The following NPAS2 variants were observed in gnomAD, a reference collection of about 807,000 sequenced individuals.
The protein encoded by NPAS2 is neuronal PAS domain-containing protein 2.
A neutral mutation model predicts 107.5 loss-of-function variants in NPAS2; 23 were observed. That is an observed-to-expected ratio of 0.21 (90% confidence interval 0.15 to 0.30). The LOEUF is 0.30. Among genes scored for constraint, NPAS2 ranks in the 10% least tolerant of loss-of-function variants. The pLI is 1.00. For synonymous variants in NPAS2, 403 were observed against 417.5 expected (o/e 0.97, Z 0.42); for missense variants, 756 against 1,043.3 (o/e 0.72, Z 3.79).
chr2:100,892,485 G>T (rs1681133847), intron 1 of NPAS2, among the ~76,000 whole-genome samples: 2 of 152,118 alleles, frequency 1.3e-5, no homozygotes, highest in Non-Finnish European at 1.5e-5. Context: ...TCTTGTCTTG[G>T]TTTCTTCTAG....
chr2:100,888,414 G>C (rs972889251), intron 1 of NPAS2, among the ~76,000 whole-genome samples: 1 of 152,142 alleles, frequency 6.6e-6, no homozygotes, highest in Admixed American at 6.5e-5. Context: ...AGGGTAGAAA[G>C]TGTTGGAGAG....
chr2:100,823,802 T>G (rs1207339360), intron 1 of NPAS2: 1 of 152,280 alleles, frequency 6.6e-6, no homozygotes, highest in Non-Finnish European at 1.5e-5. Flanking sequence ...TGGGATGCCA[T>G]TCTCTGGGGT....
chr2:100,970,731 A>G (rs1676488957), intron 11 of NPAS2: 1 of 381,070 alleles, frequency 2.6e-6, no homozygotes, highest in East Asian at 4.4e-5. Flanking sequence ...TAAAAAGAAT[A>G]GTAAATGAGA....
At chr2:100,988,622 C>T (rs1446489623) in intron 17 of NPAS2, 1 of 346,148 alleles carries the variant, frequency 2.9e-6, no homozygotes, top group African/African-American at 2.1e-5. Context: ...CTGAATGTCC[C>T]AACACTCAAC....
chr2:100,946,419 A>C (rs2105032416), intron 5 of NPAS2, among the ~76,000 whole-genome samples: 1 of 152,306 alleles, frequency 6.6e-6, no homozygotes, highest in South Asian at 2.1e-4. Context: ...TGAAGGTTGC[A>C]CAGGGCTTCG....
At chr2:100,822,679 T>C (rs571437741) in intron 1 of NPAS2, 1 of 152,364 alleles carries the variant, frequency 6.6e-6, no homozygotes, top group African/African-American at 2.4e-5. Flanking sequence ...GGGCTAAGTC[T>C]TCTTTCTTAA....
At chr2:100,871,337 T>G (rs924416371) in intron 1 of NPAS2, among the ~76,000 whole-genome samples, 1 of 151,262 alleles carries the variant, frequency 6.6e-6, no homozygotes, top group Non-Finnish European at 1.5e-5. Flanking sequence ...TTGTTTTTTT[T>G]TTTTTTTTTT....
At chr2:100,990,964 A>C in intron 19 of NPAS2, 92 bp downstream of exon 19, 2 of 1,043,466 alleles carry the variant, frequency 1.9e-6, no homozygotes, top group Non-Finnish European at 1.5e-6. Context: ...CAGCACTCAC[A>C]TGAGCCTTGC....
At chr2:100,988,942 C>T (rs1677945258) in intron 17 of NPAS2, 3 of 246,502 alleles carry the variant, frequency 1.2e-5, no homozygotes, top group East Asian at 1.7e-4. Flanking sequence ...TCCAGGCCTC[C>T]CTGTTCCTCC....
At chr2:100,938,596 T>TC (rs1402885465) in intron 5 of NPAS2, among the ~76,000 whole-genome samples, 9 of 73,924 alleles carry the variant, frequency 1.2e-4, no homozygotes, top group East Asian at 5.3e-4. Context: ...CCTCCCTCCC[T>TC]CCTCTCTGCA....
chr2:100,831,384 A>G (rs1676727407), intron 1 of NPAS2, among the ~76,000 whole-genome samples: 3 of 152,216 alleles, frequency 2.0e-5, no homozygotes, highest in Non-Finnish European at 4.4e-5. Flanking sequence ...CATGGCATAC[A>G]GTATCATAAG....
At chr2:100,909,343 C>T (rs929132050) in intron 2 of NPAS2, among the ~76,000 whole-genome samples, 8 of 152,228 alleles carry the variant, frequency 5.3e-5, no homozygotes, top group African/African-American at 1.4e-4. Flanking sequence ...GGATGGAGAT[C>T]GAAATTTGTA....
chr2:100,861,328 G>A (rs780481645), intron 1 of NPAS2, among the ~76,000 whole-genome samples: 2 of 152,166 alleles, frequency 1.3e-5, no homozygotes, highest in Admixed American at 6.5e-5. Flanking sequence ...AAACTTTAGG[G>A]TGTAGCTCAG....
chr2:100,894,704 A>G (rs1681290378), intron 1 of NPAS2, among the ~76,000 whole-genome samples: 1 of 152,218 alleles, frequency 6.6e-6, no homozygotes, highest in South Asian at 2.1e-4. Context: ...ACATGAAAAA[A>G]AAAAGAATGT....
intron 20 of NPAS2, 22 bp downstream of exon 20, chr2:100,993,549 G>A: frequency 2.0e-6 from 3 of 1,499,600 alleles, no homozygotes; most frequent in Non-Finnish European, 2.7e-6. Flanking sequence ...GGCCCAGGGG[G>A]CCCCCGTGCA....
chr2:100,831,447 G>A (rs1000843670), intron 1 of NPAS2, among the ~76,000 whole-genome samples: 2 of 152,130 alleles, frequency 1.3e-5, no homozygotes, highest in African/African-American at 2.4e-5. Flanking sequence ...TAACAAATAC[G>A]AGGAAAACTT....
chr2:100,834,592 G>C (rs1676942627), intron 1 of NPAS2, among the ~76,000 whole-genome samples: 1 of 152,230 alleles, frequency 6.6e-6, no homozygotes, highest in South Asian at 2.1e-4. Context: ...TCTCATGTAT[G>C]CCAGGCGGGG....
intron 1 of NPAS2, among the ~76,000 whole-genome samples, chr2:100,840,588 C>G (rs955238182): frequency 6.7e-6 from 1 of 149,034 alleles, no homozygotes; most frequent in Admixed American, 6.8e-5. Context: ...GGACAATCTT[C>G]TCTCCACAGC....
chr2:100,904,292 T>C (rs1327635188), intron 1 of NPAS2, among the ~76,000 whole-genome samples: 1 of 152,234 alleles, frequency 6.6e-6, no homozygotes, highest in African/African-American at 2.4e-5. Flanking sequence ...GAACAGATGC[T>C]GCTTCACTGA....
Sources: gnomAD v4.1 joint callset for allele counts (sites outside exome capture counted in the v4.1 genomes callset) on GRCh38, gnomAD v4.1.1 for gene constraint, MANE v1.5 for transcripts, NCBI Gene and HGNC (gene_info 2026-07-23, HGNC 2026-07-21) for gene names.